The following SYN3 variants were observed in gnomAD, a reference collection of about 807,000 sequenced individuals.
The protein encoded by SYN3 is synapsin III.
A neutral mutation model predicts 65.8 loss-of-function variants in SYN3; 35 were observed. The ratio of observed to expected loss-of-function variants is 0.53; its 90% CI spans 0.41 to 0.70. SYN3 has a LOEUF of 0.70. Among genes scored for constraint, SYN3 ranks in the 30% least tolerant of loss-of-function variants. The pLI is 0.00. For missense variants in SYN3, 680 were observed against 749.0 expected, an observed-to-expected ratio of 0.91 and a Z score of 1.08; for synonymous variants, 270 against 292.9, an observed-to-expected ratio of 0.92 and a Z score of 0.80.
chr22:32,790,437 T>TATTA (rs1281584329), intron 6 of SYN3, among the ~76,000 whole-genome samples: 5 of 147,256 alleles, frequency 3.4e-5, no homozygotes, highest in East Asian at 1.9e-4. Context: ...TTTATTTATT[T>TATTA]ATTATTGAGA....
At chr22:33,052,330 G>A (rs2054181363) in intron 1 of SYN3, among the ~76,000 whole-genome samples, 1 of 152,076 alleles carries the variant, frequency 6.6e-6, no homozygotes, top group South Asian at 2.1e-4. Context: ...CCGGTGGCAA[G>A]GAGAGACTGC....
At chr22:33,038,533 G>A (rs1050383747) in intron 1 of SYN3, among the ~76,000 whole-genome samples, 1 of 152,138 alleles carries the variant, frequency 6.6e-6, no homozygotes, top group Non-Finnish European at 1.5e-5. Flanking sequence ...CCTGCTTAGG[G>A]ACACAATCCT....
At position 32,774,726 on chromosome 22, in the gene SYN3, C is replaced by T. The variant is rs995090876; in HGVS notation, c.711+90189G>A. On this transcript the variant is annotated intron_variant, in intron 6 of 13. Transcript: ENST00000358763. ...TCTCCCGCCTCAGCCTCCCGAGTAG[C>T]TGGGATTACAGGCATGTGCCACCAC... Among the ~76,000 whole-genome samples the T allele has an allele frequency of 4.1e-4, 62 of 152,282 alleles. 1 individual carries two copies. Among genetic ancestry groups the T allele is most frequent in the African/African-American group, 1.4e-3 (60 of 41,568 alleles).
rs55679750 is a variant in SYN3, at chr22:32,878,555, T to C, written c.462-9430A>G. On this transcript the variant is annotated intron_variant, in intron 4 of 13. Transcript: ENST00000358763. ...GAGTGTTATGTGATTTCCCTGCCAC[T>C]ACCCCAGGGGGCCAAGCAGGTACCA... is the stretch of plus-strand genomic sequence containing the variant. 5.1e-3 allele frequency among the ~76,000 whole-genome samples: 782 copies of C among 152,306 alleles called. 5 individuals carry two copies. The highest frequency in any genetic ancestry group is 0.014 in the Middle Eastern group (4 of 294).
chr22:33,040,894 C>G (rs1485781686), intron 1 of SYN3, among the ~76,000 whole-genome samples: 2 of 152,048 alleles, frequency 1.3e-5, no homozygotes, highest in Non-Finnish European at 2.9e-5. Flanking sequence ...AACCTCTTTC[C>G]TTTATAAATT....
intron 4 of SYN3, among the ~76,000 whole-genome samples, chr22:32,906,162 C>G (rs141929966): frequency 1.2e-4 from 19 of 152,284 alleles, no homozygotes; most frequent in African/African-American, 4.6e-4. Flanking sequence ...GGCGCACGAC[C>G]TGGAAGAGAG....
intron 6 of SYN3, among the ~76,000 whole-genome samples, chr22:32,621,698 C>CT (rs2059596826): frequency 6.6e-6 from 1 of 152,192 alleles, no homozygotes; most frequent in Non-Finnish European, 1.5e-5. Flanking sequence ...CAAGGTCTCC[C>CT]TATGTGCTAA....
At chr22:32,745,837 C>T (rs905977391) in intron 6 of SYN3, among the ~76,000 whole-genome samples, 2 of 151,950 alleles carry the variant, frequency 1.3e-5, no homozygotes, top group East Asian at 1.9e-4. Flanking sequence ...AGGAAGAGAG[C>T]GAGGAGGACA....
intron 6 of SYN3, among the ~76,000 whole-genome samples, chr22:32,597,064 C>T (rs537524719): frequency 2.0e-5 from 3 of 152,258 alleles, no homozygotes; most frequent in East Asian, 1.9e-4. Context: ...TGACCCATGC[C>T]TCAGTTTCTT....
chr22:32,680,297 G>A (rs2060506206), intron 6 of SYN3, among the ~76,000 whole-genome samples: 1 of 152,050 alleles, frequency 6.6e-6, no homozygotes, highest in Admixed American at 6.6e-5. Context: ...GCAGAATTAT[G>A]CACTCCCTTC....
At chr22:32,693,978 CATCTT>C (rs2147169196) in intron 6 of SYN3, among the ~76,000 whole-genome samples, 1 of 152,128 alleles carries the variant, frequency 6.6e-6, no homozygotes, top group Non-Finnish European at 1.5e-5. Context: ...TGAAATCTGT[CATCTT>C]ATTTTATTCT....
intron 6 of SYN3, among the ~76,000 whole-genome samples, chr22:32,785,455 G>C (rs1284665693): frequency 6.6e-6 from 1 of 152,162 alleles, no homozygotes; most frequent in Non-Finnish European, 1.5e-5. Flanking sequence ...TCTGTAAGAT[G>C]GAGTCCTGGG....
At chr22:32,995,562 A>G (rs2052854296) in intron 2 of SYN3, among the ~76,000 whole-genome samples, 1 of 152,098 alleles carries the variant, frequency 6.6e-6, no homozygotes, top group South Asian at 2.1e-4. Flanking sequence ...TGGACGCAGC[A>G]TGTCCTGATC....
In SYN3 at chr22:32,834,622, G is replaced by A. The variant is rs2047677284; in HGVS notation, c.711+30293C>T. Among the ~76,000 whole-genome samples, 3 of 152,204 alleles carry A rather than the reference G, an allele frequency of 2.0e-5. No homozygotes were observed. The South Asian group carries it at 6.2e-4, about 31-fold the overall frequency. ...TGTGTATGTTTTGCAGATACTCTGT[G>A]GTGTGGCAATTGCTCTAGAGGACTC... On this transcript the variant is annotated intron_variant, in intron 6 of 13. Coordinates refer to ENST00000358763, the MANE Select transcript of SYN3 (RefSeq NM_003490.4).
intron 3 of SYN3, among the ~76,000 whole-genome samples, chr22:32,968,475 C>T (rs888559711): frequency 5.9e-5 from 9 of 152,188 alleles, no homozygotes; most frequent in African/African-American, 2.2e-4. Flanking sequence ...AAGTTCAATA[C>T]ATACATCCTG....
intron 6 of SYN3, among the ~76,000 whole-genome samples, chr22:32,838,441 C>T (rs928564987): frequency 2.6e-5 from 4 of 152,118 alleles, no homozygotes; most frequent in African/African-American, 9.7e-5. Flanking sequence ...CAAGGAGTGC[C>T]TTGGGTGGAG....
intron 6 of SYN3, among the ~76,000 whole-genome samples, chr22:32,659,115 C>A (rs924522480): frequency 2.0e-5 from 3 of 152,094 alleles, no homozygotes; most frequent in African/African-American, 7.2e-5. Flanking sequence ...GAGGGACAGG[C>A]GTCCTAACAG....
chr22:32,776,880 C>T (rs1043284158), intron 6 of SYN3, among the ~76,000 whole-genome samples: 4 of 152,198 alleles, frequency 2.6e-5, no homozygotes, highest in Non-Finnish European at 5.9e-5. Flanking sequence ...GGGACACCAG[C>T]AGCAGGAGCC....
chr22:32,822,172 A>AAG (rs1569251867), intron 6 of SYN3, among the ~76,000 whole-genome samples: 2 of 150,456 alleles, frequency 1.3e-5, no homozygotes, highest in Non-Finnish European at 3.0e-5. Context: ...AAAAAAAAAA[A>AAG]AAGAAGTTGG....
Sources: allele counts gnomAD v4.1 joint callset (sites outside exome capture counted in the v4.1 genomes callset), GRCh38; gene constraint gnomAD v4.1.1; transcripts MANE v1.5; gene names NCBI Gene and HGNC (gene_info 2026-07-23, HGNC 2026-07-21).